Variants in NPNT observed in about 807,000 individuals in gnomAD.
NPNT encodes preosteoblast EGF-like repeat protein with MAM domain.
In NPNT, 45 loss-of-function variants were observed where a neutral mutation model predicts 68.6. That is an observed-to-expected ratio of 0.66 (90% CI 0.52 to 0.84). NPNT has a LOEUF of 0.84. Among genes scored for constraint, NPNT ranks in the 40% least tolerant of loss-of-function variants. NPNT has a pLI of 0.00. For missense variants in NPNT, 672 were observed against 714.8 expected (o/e 0.94, Z 0.68); for synonymous variants, 233 against 253.3 (o/e 0.92, Z 0.76).
intron 2 of NPNT, among the ~76,000 whole-genome samples, chr4:105,919,081 C>T (rs1365517193): frequency 6.6e-6 from 1 of 152,134 alleles, no homozygotes; most frequent in African/African-American, 2.4e-5. Context: ...TTAACAACTA[C>T]TCACAAGTTA....
intron 3 of NPNT, 150 bp from the exon 4 acceptor site, chr4:105,936,859 A>G: frequency 1.4e-6 from 1 of 727,308 alleles, no homozygotes; most frequent in Non-Finnish European, 2.1e-6. Flanking sequence ...TTAATATTGC[A>G]TGAACAGGAT....
At chr4:105,907,417 C>T (rs1157231768) in intron 2 of NPNT, among the ~76,000 whole-genome samples, 9 of 152,284 alleles carry the variant, frequency 5.9e-5, no homozygotes, top group African/African-American at 1.4e-4. Context: ...GGTCTTCAAA[C>T]GCCTTTTCTG....
rs1732551567 is a variant in NPNT at position 105,971,339 on chromosome 4, G to C, written c.*2349G>C. The C allele has an allele frequency of 3.5e-6, 1 of 282,060 alleles. No homozygotes were observed. Among genetic ancestry groups the C allele is most frequent in the Non-Finnish European group, 7.5e-6 (1 of 133,878 alleles). 17.5% of individuals were successfully genotyped at this position (282,060 alleles called of 1,614,324 possible). A position where few individuals can be genotyped will look rare whatever the true frequency, so the allele number is the denominator to read the frequency against. On this transcript the variant is annotated 3_prime_UTR_variant, in exon 12 of 12. Transcript: ENST00000379987. ...CAATAGGTACAATAGAAGGTCTTCT[G>C]TCATTTAACCTGGTAAAGGCAGGGC... is the stretch of plus-strand genomic sequence containing the variant.
At chr4:105,935,956 AATAG>A (rs964664318) in intron 3 of NPNT, among the ~76,000 whole-genome samples, 2 of 152,348 alleles carry the variant, frequency 1.3e-5, no homozygotes, top group African/African-American at 4.8e-5. Context: ...GACATGGATT[AATAG>A]ATAATTAAAT....
At chr4:105,933,414 T>A (rs1729273605) in intron 3 of NPNT, among the ~76,000 whole-genome samples, 1 of 152,202 alleles carries the variant, frequency 6.6e-6, no homozygotes, top group African/African-American at 2.4e-5. Flanking sequence ...GTTTAAGAAC[T>A]TAGAATAACT....
chr4:105,927,184 G>A (rs1238676698), intron 2 of NPNT, 152 bp from the exon 3 acceptor site: 1 of 540,594 alleles, frequency 1.8e-6, no homozygotes, highest in Non-Finnish European at 3.4e-6. Flanking sequence ...AGCTTACAGA[G>A]TGTTTATAGG....
chr4:105,927,776 G>C (rs748456622), intron 3 of NPNT, among the ~76,000 whole-genome samples: 2 of 152,106 alleles, frequency 1.3e-5, no homozygotes, highest in Non-Finnish European at 2.9e-5. Flanking sequence ...CCCAGGTACT[G>C]CTTCCCTTTA....
rs1257604538 is a variant in NPNT, at chr4:105,970,882, G to A, written c.*1892G>A. 1 of 304,858 alleles carries A rather than the reference G, an allele frequency of 3.3e-6. No individual in the cohort carries two copies. Among genetic ancestry groups the A allele is most frequent in the African/African-American group, 2.2e-5 (1 of 45,964 alleles). The allele number at this position is 304,858 out of a possible 1,614,324, so 18.9% of individuals were successfully genotyped here. A position where few individuals can be genotyped will look rare whatever the true frequency, so the allele number is the denominator to read the frequency against. On this transcript the variant is annotated 3_prime_UTR_variant, in exon 12 of 12. Coordinates refer to ENST00000379987, the MANE Select transcript of NPNT (RefSeq NM_001033047.3). Reference sequence around the variant, plus strand: ...CCTCCTAATGGAGAGGGATTGAAAGGGGAAGAGCCCACCAAATGCTGAGCT... The same window carrying A: ...CCTCCTAATGGAGAGGGATTGAAAGAGGAAGAGCCCACCAAATGCTGAGCT...
In NPNT at chr4:105,895,738, G is replaced by C. The variant is rs1465162354; in HGVS notation, c.71+15G>C. ...TTCGACGGGAGGTGAGCTGGGCCCCGGGGCGCCCTCTCCTCCTTCCCGCGC... is the reference window on the plus strand; with the variant it reads ...TTCGACGGGAGGTGAGCTGGGCCCCCGGGCGCCCTCTCCTCCTTCCCGCGC... On this transcript the variant is annotated intron_variant, in intron 1 of 11. Coordinates refer to ENST00000379987, the MANE Select transcript of NPNT (RefSeq NM_001033047.3). 1 of 1,549,394 alleles carries C rather than the reference G, an allele frequency of 6.5e-7. No individual in the cohort carries two copies. Among genetic ancestry groups the C allele is most frequent in the Non-Finnish European group, 8.7e-7 (1 of 1,145,086 alleles).
chr4:105,912,617 T>C, intron 2 of NPNT: 1 of 935,110 alleles, frequency 1.1e-6, no homozygotes, highest in Non-Finnish European at 1.3e-6. Flanking sequence ...GGGAGTTGTA[T>C]TTCATATTCA....
intron 2 of NPNT, among the ~76,000 whole-genome samples, chr4:105,903,225 A>G (rs1277272005): frequency 1.3e-5 from 2 of 152,250 alleles, no homozygotes; most frequent in Non-Finnish European, 2.9e-5. Context: ...TGTAACTTCC[A>G]GCATTTCTTT....
intron 2 of NPNT, among the ~76,000 whole-genome samples, chr4:105,918,083 T>C (rs1727962347): frequency 6.6e-6 from 1 of 152,202 alleles, no homozygotes; most frequent in East Asian, 1.9e-4. Context: ...CAATCTCTTA[T>C]TGATGGACAT....
In NPNT at chr4:105,940,592, G is replaced by A; in HGVS notation, c.719G>A (p.Cys240Tyr). 1 of 1,613,344 alleles carries A rather than the reference G, an allele frequency of 6.2e-7. No individual in the cohort carries two copies. The change falls in exon 7 of 12, where the codon TGC (cysteine) becomes TAC (tyrosine). Residue 240 changes from cysteine (C) to tyrosine (Y), a missense_variant. Cys to Tyr is a radical substitution (Grantham distance 194). Transcript: ENST00000379987. ...TATAACATACGTGGGTCCTACAAGTGCAAATGTAAAGAAGGATACCAGGGT... is the reference window on the plus strand; with the variant it reads ...TATAACATACGTGGGTCCTACAAGTACAAATGTAAAGAAGGATACCAGGGT... ...RCYNIRGSYK[C>Y]KCKEGYQGDG...
rs1170890354 is a variant in NPNT at position 105,940,104 on chromosome 4, T to C, written c.535T>C (p.Ser179Pro). Residue 179 changes from serine (S) to proline (P), a missense_variant, in exon 6 of 12, where the codon TCC becomes CCC. Physicochemically the swap from Ser to Pro is moderately conservative, Grantham distance 74. Coordinates refer to ENST00000379987, the MANE Select transcript of NPNT (RefSeq NM_001033047.3). ...TGATGAATGTGCTACAGGAAGAGCC[T>C]CCTGCCCTAGATTTAGGCAATGTGT... ...DVDECATGRA[S>P]CPRFRQCVNT... 1.2e-6 allele frequency: 2 copies of C among 1,613,068 alleles called. No homozygotes were observed. Among genetic ancestry groups the C allele is most frequent in the East Asian group, 2.2e-5 (1 of 44,864 alleles).
At position 105,969,093 on chromosome 4, in the gene NPNT, G is replaced by A; in HGVS notation, c.*103G>A. 1 of 720,666 alleles carries A rather than the reference G, an allele frequency of 1.4e-6. No individual in the cohort carries two copies. The highest frequency in any genetic ancestry group is 2.3e-6 in the Non-Finnish European group (1 of 435,442). 44.6% of individuals were successfully genotyped at this position (720,666 alleles called of 1,614,324 possible). ...TTTTATCAGGCCTAGGAGAAGAGTG[G>A]GTCAGTGGGTCAGAAGGAAGTCTAT... is the stretch of plus-strand genomic sequence containing the variant. On this transcript the variant is annotated 3_prime_UTR_variant, in exon 12 of 12. Coordinates refer to ENST00000379987, the MANE Select transcript of NPNT (RefSeq NM_001033047.3).
chr4:105,936,872 A>C, intron 3 of NPNT, 137 bp from the exon 4 acceptor site: 1 of 817,180 alleles, frequency 1.2e-6, no homozygotes, highest in Non-Finnish European at 1.9e-6. Context: ...AACAGGATCT[A>C]TCTCTTATGT....
chr4:105,942,286 T>A, intron 7 of NPNT, 21 bp from the exon 8 acceptor site: 1 of 1,561,858 alleles, frequency 6.4e-7, no homozygotes, highest in South Asian at 1.2e-5. Context: ...ACATACTGAT[T>A]TAAGTCTTTG....
At chr4:105,900,834 G>GTTTTTTTTTTT (rs765343668) in intron 2 of NPNT, among the ~76,000 whole-genome samples, 1 of 96,638 alleles carries the variant, frequency 1.0e-5, no homozygotes, top group Non-Finnish European at 2.0e-5. Context: ...ACCCTTGGTT[G>GTTTTTTTTTTT]TTTTTTTTTT....
chr4:105,942,571 C>T lies in NPNT; in HGVS notation c.1028C>T (p.Pro343Leu). ...PLPTELRTPL[P>L]PTTPERPTTG... The stretch of plus-strand genomic sequence containing the variant: ...CCAACAGAGCTCAGAACACCTCTAC[C>T]ACCTACAACCCCAGAAAGGCCAACC... Residue 343 changes from proline (P) to leucine (L), a missense_variant, in exon 8 of 12, where the codon CCA (proline) becomes CTA (leucine). Physicochemically the swap from Pro to Leu is moderately conservative, Grantham distance 98 (BLOSUM62 -3). Transcript: ENST00000379987. 1 of 1,614,032 alleles carries T rather than the reference C, an allele frequency of 6.2e-7. No homozygotes were observed. The highest frequency in any genetic ancestry group is 8.5e-7 in the Non-Finnish European group (1 of 1,180,008).
Sources: allele counts gnomAD v4.1 joint callset (sites outside exome capture counted in the v4.1 genomes callset), GRCh38; gene constraint gnomAD v4.1.1; transcripts MANE v1.5; gene names NCBI Gene and HGNC (gene_info 2026-07-23, HGNC 2026-07-21).